The following OLA1 variants were observed in gnomAD, a reference collection of about 807,000 sequenced individuals.
OLA1 encodes obg-like ATPase 1.
OLA1 carries 14 observed loss-of-function variants against 48.4 expected under a neutral mutation model. The ratio of observed to expected loss-of-function variants is 0.29; its 90% CI spans 0.19 to 0.45. OLA1 has a LOEUF of 0.45. Among genes scored for constraint, OLA1 ranks in the 20% least tolerant of loss-of-function variants. The pLI, the probability that OLA1 is intolerant of heterozygous loss-of-function variation, is 1.00. For missense variants in OLA1, 325 were observed against 467.1 expected (o/e 0.70, Z 2.80); for synonymous variants, 127 against 150.4 (o/e 0.84, Z 1.14).
chr2:174,100,233 T>A (rs1405255900), intron 7 of OLA1, among the ~76,000 whole-genome samples: 1 of 152,200 alleles, frequency 6.6e-6, no homozygotes, highest in East Asian at 1.9e-4. Context: ...GAAGTATTTA[T>A]TAAATATTTA....
chr2:174,226,471 A>C (rs1688619431), intron 3 of OLA1, among the ~76,000 whole-genome samples: 1 of 151,948 alleles, frequency 6.6e-6, no homozygotes, highest in African/African-American at 2.4e-5. Context: ...AAAAACATTT[A>C]TTAATGTTCT....
chr2:174,134,222 A>T (rs1163044488), intron 5 of OLA1, among the ~76,000 whole-genome samples: 2 of 152,220 alleles, frequency 1.3e-5, no homozygotes, highest in African/African-American at 4.8e-5. Context: ...TCATATGGTA[A>T]GTCTATAATT....
chr2:174,144,099 G>A (rs1193383386), intron 4 of OLA1, among the ~76,000 whole-genome samples: 5 of 151,908 alleles, frequency 3.3e-5, no homozygotes, highest in African/African-American at 4.8e-5. Flanking sequence ...AGACCTTGTC[G>A]AGCAAGACCT....
chr2:174,148,386 T>C (rs922761884), intron 4 of OLA1, among the ~76,000 whole-genome samples: 1 of 152,030 alleles, frequency 6.6e-6, no homozygotes, highest in African/African-American at 2.4e-5. Context: ...TGAGACTACA[T>C]CTCAAATAAA....
intron 7 of OLA1, among the ~76,000 whole-genome samples, chr2:174,092,230 C>T (rs1288274982): frequency 1.3e-5 from 2 of 151,894 alleles, no homozygotes; most frequent in South Asian, 2.1e-4. Context: ...AGGAACTTTT[C>T]GATTATTTTG....
chr2:174,175,257 A>G (rs1425233997), intron 4 of OLA1, among the ~76,000 whole-genome samples: 1 of 151,458 alleles, frequency 6.6e-6, no homozygotes, highest in Admixed American at 6.6e-5. Flanking sequence ...GATAAAATGA[A>G]CATCCTAATG....
At chr2:174,225,813 T>G (rs1165976742) in intron 3 of OLA1, among the ~76,000 whole-genome samples, 1 of 152,170 alleles carries the variant, frequency 6.6e-6, no homozygotes, top group Non-Finnish European at 1.5e-5. Flanking sequence ...CATGAACAAA[T>G]TATTTCATCT....
chr2:174,165,661 A>G (rs1469174783), intron 4 of OLA1, among the ~76,000 whole-genome samples: 1 of 152,220 alleles, frequency 6.6e-6, no homozygotes, highest in African/African-American at 2.4e-5. Flanking sequence ...TAATTTGTTT[A>G]AATAATGTTT....
At chr2:174,192,424 G>A (rs1253153902) in intron 4 of OLA1, among the ~76,000 whole-genome samples, 2 of 152,100 alleles carry the variant, frequency 1.3e-5, no homozygotes, top group Admixed American at 6.5e-5. Flanking sequence ...TTTTAGATTA[G>A]AGATACTCAG....
intron 7 of OLA1, among the ~76,000 whole-genome samples, chr2:174,118,806 T>C (rs1174887214): frequency 6.6e-6 from 1 of 152,058 alleles, no homozygotes; most frequent in Non-Finnish European, 1.5e-5. Context: ...ATCTGGCAAA[T>C]AGAAATCATT....
intron 7 of OLA1, among the ~76,000 whole-genome samples, chr2:174,116,766 C>T (rs983656317): frequency 6.6e-6 from 1 of 152,128 alleles, no homozygotes; most frequent in Non-Finnish European, 1.5e-5. Context: ...TGGAAGGGAA[C>T]CTTAGAGATG....
At position 174,223,179 on chromosome 2, in the gene OLA1, CT is replaced by C; in HGVS notation, c.246-20del. 2 of 1,611,664 alleles carry C rather than the reference CT, an allele frequency of 1.2e-6. No individual in the cohort carries two copies. Among genetic ancestry groups the C allele is most frequent in the East Asian group, 2.2e-5 (1 of 44,816 alleles). On this transcript the variant is annotated intron_variant, in intron 3 of 10. Coordinates refer to ENST00000284719, the MANE Select transcript of OLA1 (RefSeq NM_013341.5). ...AATTTTGCTGAAAAACAAAAGATGG[CT>C]TTATTATAAAACAGTACTAAAAACT...
At chr2:174,092,294 T>C (rs1685146586) in intron 7 of OLA1, among the ~76,000 whole-genome samples, 1 of 152,190 alleles carries the variant, frequency 6.6e-6, no homozygotes, top group Admixed American at 6.5e-5. Context: ...CATAAGCAGA[T>C]GCTCAATAAA....
At chr2:174,115,112 G>T (rs560461111) in intron 7 of OLA1, among the ~76,000 whole-genome samples, 13 of 152,222 alleles carry the variant, frequency 8.5e-5, no homozygotes, top group Admixed American at 8.5e-4. Flanking sequence ...GGAAAAAAAT[G>T]CTTCATTTTA....
In OLA1 at chr2:174,073,100, C is replaced by T. The variant is rs1376350231; in HGVS notation, c.*2326G>A. 5 of 152,212 alleles carry T rather than the reference C, an allele frequency of 3.3e-5. No individual in the cohort carries two copies. Among genetic ancestry groups the T allele is most frequent in the Non-Finnish European group, 1.5e-5 (1 of 68,086 alleles). The allele number at this position is 152,212 out of a possible 1,614,324, so 9.4% of individuals were successfully genotyped here. On this transcript the variant is annotated 3_prime_UTR_variant, in exon 11 of 11. Coordinates refer to ENST00000284719, the MANE Select transcript of OLA1 (RefSeq NM_013341.5). ...AGGCTCAAGCGATCGATCAATCCTCCCATCTCAGCCTCCTAAGTAGCTGGG... is the reference window on the plus strand; with the variant it reads ...AGGCTCAAGCGATCGATCAATCCTCTCATCTCAGCCTCCTAAGTAGCTGGG...
intron 4 of OLA1, among the ~76,000 whole-genome samples, chr2:174,148,992 T>C (rs1201941514): frequency 6.6e-6 from 1 of 152,220 alleles, no homozygotes. Context: ...AAATCAATCA[T>C]GTCATTCACC....
chr2:174,103,048 G>A (rs1685432482), intron 7 of OLA1, among the ~76,000 whole-genome samples: 1 of 152,140 alleles, frequency 6.6e-6, no homozygotes, highest in South Asian at 2.1e-4. Context: ...AAAATATGCT[G>A]TTGTTCTAAG....
chr2:174,115,714 CTTGCAG>C (rs1224487678), intron 7 of OLA1, among the ~76,000 whole-genome samples: 1 of 152,160 alleles, frequency 6.6e-6, no homozygotes, highest in Non-Finnish European at 1.5e-5. Context: ...AGCCTTTGTA[CTTGCAG>C]TTTCCTCTCC....
chr2:174,197,999 C>T (rs1257246406), intron 4 of OLA1, among the ~76,000 whole-genome samples: 1 of 152,230 alleles, frequency 6.6e-6, no homozygotes, highest in African/African-American at 2.4e-5. Flanking sequence ...GAGTCTTGCT[C>T]TGTCGCCAGA....
Sources: gnomAD v4.1 joint callset for allele counts (sites outside exome capture counted in the v4.1 genomes callset) on GRCh38, gnomAD v4.1.1 for gene constraint, MANE v1.5 for transcripts, NCBI Gene and HGNC (gene_info 2026-07-23, HGNC 2026-07-21) for gene names.